Variants in EFNA1 observed in about 807,000 individuals in gnomAD.
EFNA1 encodes ephrin A1, also known as ephrin-A1.
In EFNA1, 8 loss-of-function variants were observed where a neutral mutation model predicts 23.2. That is an observed-to-expected ratio of 0.34 (90% CI 0.20 to 0.62). The LOEUF is 0.62. Ranked by LOEUF, EFNA1 falls within the 20% of genes least tolerant of loss-of-function variation. EFNA1 has a pLI of 0.75. For synonymous variants in EFNA1, 89 were observed against 98.6 expected (o/e 0.90, Z 0.58); for missense variants, 217 against 260.0 (o/e 0.83, Z 1.14).
rs1664227194 is a variant in EFNA1, at chr1:155,130,875, A to G, written c.93-464A>G. On this transcript the variant is annotated intron_variant, in intron 1 of 4. Coordinates refer to ENST00000368407, the MANE Select transcript of EFNA1 (RefSeq NM_004428.3). The stretch of plus-strand genomic sequence containing the variant: ...GATGTGTTGGAGGCTCCAGGCTAGC[A>G]TGGTAAAGAGAAAGGGTTTCCTGGA... 6 of 985,262 alleles carry G rather than the reference A, an allele frequency of 6.1e-6. No homozygotes were observed. The South Asian group carries it at 2.8e-4, about 46-fold the overall frequency. 61.0% of individuals were successfully genotyped at this position (985,262 alleles called of 1,614,324 possible).
chr1:155,131,274 A>G (rs545153926), intron 1 of EFNA1, 65 bp from the exon 2 acceptor site: 900 of 1,541,628 alleles, frequency 5.8e-4, no homozygotes, highest in Non-Finnish European at 7.4e-4. Flanking sequence ...AAACATTCAG[A>G]GGCCCAAGGA....
chr1:155,131,326 T>C lies in EFNA1; in HGVS notation c.93-13T>C, dbSNP rs1557785916. ...AATGACCACCTGCTTCTTCCCCCTG[T>C]GTGTGTCCCCAGGTTCCGGAATGAG... is the stretch of plus-strand genomic sequence containing the variant. On this transcript the variant is annotated splice_polypyrimidine_tract_variant and intron_variant, in intron 1 of 4. Transcript: ENST00000368407. 6.3e-7 allele frequency: 1 copy of C among 1,596,490 alleles called. No homozygotes were observed. The highest frequency in any genetic ancestry group is 8.6e-7 in the Non-Finnish European group (1 of 1,166,380).
intron 2 of EFNA1, 36 bp from the exon 3 acceptor site, chr1:155,133,467 G>A (rs1196417862): frequency 6.2e-7 from 1 of 1,613,132 alleles, no homozygotes; most frequent in Non-Finnish European, 8.5e-7. Context: ...TTCCAGCAAA[G>A]GTTTCTTATT....
At chr1:155,128,534 A>G (rs1664147894) in intron 1 of EFNA1, among the ~76,000 whole-genome samples, 1 of 152,140 alleles carries the variant, frequency 6.6e-6, no homozygotes, top group South Asian at 2.1e-4. Context: ...CTCTCAGGAG[A>G]GAGCTGGGCT....
At chr1:155,129,474 T>G (rs1207447673) in intron 1 of EFNA1, 2 of 152,884 alleles carry the variant, frequency 1.3e-5, no homozygotes, top group Non-Finnish European at 2.9e-5. Context: ...TACAGCAGAC[T>G]GTACCCCCAG....
At chr1:155,133,620 G>A (rs533781385) in intron 3 of EFNA1, 52 bp downstream of exon 3, 62 of 1,609,824 alleles carry the variant, frequency 3.9e-5, no homozygotes, top group African/African-American at 9.4e-5. Context: ...TGCTGGGTGC[G>A]GTCTAGTGAT....
chr1:155,131,364 C>T lies in EFNA1; in HGVS notation c.118C>T (p.His40Tyr). 3.7e-6 allele frequency: 6 copies of T among 1,613,688 alleles called. No homozygotes were observed. Among genetic ancestry groups the T allele is most frequent in the Non-Finnish European group, 5.1e-6 (6 of 1,179,664 alleles). Residue 40 changes from histidine (H) to tyrosine (Y), a missense_variant, in exon 2 of 5, where the codon CAT becomes TAT. Physicochemically the swap from His to Tyr is moderately conservative, Grantham distance 83. Transcript: ENST00000368407. ...PKFRNEDYTI[H>Y]VQLNDYVDII... ...GTTCCGGAATGAGGACTACACCATA[C>T]ATGTGCAGCTGAATGACTACGTGGA... is the stretch of plus-strand genomic sequence containing the variant.
chr1:155,128,022 G>T lies in EFNA1; in HGVS notation c.45G>T (p.Leu15=). 1 of 1,613,780 alleles carries T rather than the reference G, an allele frequency of 6.2e-7. No homozygotes were observed. Among genetic ancestry groups the T allele is most frequent in the South Asian group, 1.1e-5 (1 of 91,084 alleles). ...WAPLLGLCCS[L]AAADRHTVFW... is the part of the protein sequence containing the mutation. ...CTCTCTTGGGTCTGTGCTGCAGTCT[G>T]GCCGCTGCTGATCGCCACACCGTCT... The change falls in exon 1 of 5, where the codon CTG becomes CTT. Residue 15 remains leucine (L), a synonymous_variant. Transcript: ENST00000368407.
Position 155,133,535 on chromosome 1 carries a change from T to C in EFNA1, c.421T>C (p.Leu141=), listed in dbSNP as rs777130223. The change falls in exon 3 of 5, where the codon TTG becomes CTG. Residue 141 remains leucine (L), a synonymous_variant. Transcript: ENST00000368407. The part of the protein sequence containing the change: ...KPIHQHEDRC[L]RLKVTVSGKI... ...CATCCACCAGCATGAAGACCGCTGC[T>C]TGAGGTTGAAGGTGACTGTCAGTGG... The C allele has an allele frequency of 3.7e-6, 6 of 1,614,062 alleles. No individual in the cohort carries two copies. The highest frequency in any genetic ancestry group is 2.2e-5 in the South Asian group (2 of 91,088).
intron 1 of EFNA1, among the ~76,000 whole-genome samples, chr1:155,128,309 A>G (rs903538385): frequency 1.3e-5 from 2 of 151,606 alleles, no homozygotes; most frequent in African/African-American, 4.9e-5. Context: ...TGGCACCCCT[A>G]TTACTCTAAA....
At chr1:155,128,226 G>A (rs1664142323) in intron 1 of EFNA1, among the ~76,000 whole-genome samples, 157 bp downstream of exon 1, 1 of 152,050 alleles carries the variant, frequency 6.6e-6, no homozygotes, top group Admixed American at 6.5e-5. Context: ...CGTCATATCT[G>A]GGAGCACCCC....
intron 1 of EFNA1, 39 bp downstream of exon 1, chr1:155,128,108 G>A (rs1301301127): frequency 6.3e-7 from 1 of 1,577,988 alleles, no homozygotes; most frequent in Non-Finnish European, 8.7e-7. Flanking sequence ...TGGGCTCCCG[G>A]CTGGCACTAC....
chr1:155,133,567 CAGTG>C lies in EFNA1; in HGVS notation c.454+4_454+7del. The C allele has an allele frequency of 6.2e-7, 1 of 1,613,890 alleles. No homozygotes were observed. ...TGAAGGTGACTGTCAGTGGCAAAAT[CAGTG>C]AGTGTCAGAGCCCTGTGGGCCTCCT... On this transcript the variant is annotated splice_donor_variant and splice_donor_region_variant and coding_sequence_variant and intron_variant, in exon 3 of 5. Transcript: ENST00000368407. LOFTEE classifies it high-confidence loss of function.
rs1462602366 is a variant in EFNA1, at chr1:155,133,439, A to ATTTG, written c.389-63_389-60dup. 8 of 1,578,776 alleles carry ATTTG rather than the reference A, an allele frequency of 5.1e-6. No homozygotes were observed. In the African/African-American group the frequency reaches 1.1e-4, roughly 21 times the overall value. On this transcript the variant is annotated intron_variant, in intron 2 of 4. Transcript: ENST00000368407. ...GAGCTGAGAAAGCAGGGCGAGGGGC[A>ATTTG]TTTGGACTTACATTTTCTTCCAGCA...
chr1:155,129,340 G>A (rs1255115046), intron 1 of EFNA1, among the ~76,000 whole-genome samples: 5 of 152,064 alleles, frequency 3.3e-5, no homozygotes, highest in Non-Finnish European at 5.9e-5. Flanking sequence ...GGCCTTTTCC[G>A]TTCCCAAGCT....
At chr1:155,130,268 C>G (rs1308018781) in intron 1 of EFNA1, among the ~76,000 whole-genome samples, 1 of 152,172 alleles carries the variant, frequency 6.6e-6, no homozygotes, top group African/African-American at 2.4e-5. Context: ...GGGTCTCTAG[C>G]TGGCAGTGCC....
chr1:155,134,032 C>T lies in EFNA1; in HGVS notation c.583C>T (p.Leu195=). ...CCTCTTCCCACTTGCCTGGACTGTG[C>T]TGCTCCTTCCACTTCTGCTGCTGCA... ...PRLFPLAWTV[L]LLPLLLLQTP is the part of the protein sequence containing the mutation. Residue 195 remains leucine (L), a synonymous_variant, in exon 5 of 5, where the codon CTG becomes TTG. Coordinates refer to ENST00000368407, the MANE Select transcript of EFNA1 (RefSeq NM_004428.3). 1 of 1,614,168 alleles carries T rather than the reference C, an allele frequency of 6.2e-7. No individual in the cohort carries two copies. Among genetic ancestry groups the T allele is most frequent in the East Asian group, 2.2e-5 (1 of 44,882 alleles).
chr1:155,133,857 C>T (rs936218194), intron 4 of EFNA1, 77 bp downstream of exon 4: 1 of 1,606,636 alleles, frequency 6.2e-7, no homozygotes, highest in Non-Finnish European at 8.5e-7. Context: ...GAGGTGGCTC[C>T]TTTACCAGGC....
intron 1 of EFNA1, chr1:155,131,019 G>A: frequency 1.0e-6 from 1 of 985,396 alleles, no homozygotes; most frequent in Non-Finnish European, 1.2e-6. Context: ...TGATAAGTGA[G>A]CTACAGAAAT....
Sources: allele counts gnomAD v4.1 joint callset (sites outside exome capture counted in the v4.1 genomes callset), GRCh38; gene constraint gnomAD v4.1.1; transcripts MANE v1.5; gene names NCBI Gene and HGNC (gene_info 2026-07-23, HGNC 2026-07-21).